ARHGAP32: variants seen among roughly 807,000 people sequenced by gnomAD.
ARHGAP32 encodes Rho GTPase activating protein 32.
A neutral mutation model predicts 186.5 loss-of-function variants in ARHGAP32; 51 were observed. That is an observed-to-expected ratio of 0.27 (90% CI 0.22 to 0.35). The LOEUF (loss-of-function observed/expected upper bound fraction) is 0.35, where lower values mean the gene tolerates loss of function less well. Among genes scored for constraint, ARHGAP32 ranks in the 10% least tolerant of loss-of-function variants. ARHGAP32 has a pLI of 1.00. For missense variants in ARHGAP32, 2,186 were observed against 2,623.5 expected (o/e 0.83, Z 3.64); for synonymous variants, 950 against 964.3 (o/e 0.99, Z 0.27).
intron 11 of ARHGAP32, among the ~76,000 whole-genome samples, chr11:128,999,811 G>A (rs898416916): frequency 2.6e-5 from 4 of 152,174 alleles, no homozygotes; most frequent in Admixed American, 6.5e-5. Flanking sequence ...CATGACGTTT[G>A]AATCAAGCTT....
chr11:129,012,188 T>C (rs936433219), intron 11 of ARHGAP32, among the ~76,000 whole-genome samples: 2 of 152,222 alleles, frequency 1.3e-5, no homozygotes, highest in African/African-American at 4.8e-5. Context: ...AAGTAATATT[T>C]AACTTCATCC....
Position 129,170,899 on chromosome 11 carries a change from T to C in ARHGAP32, c.117-6472A>G, listed in dbSNP as rs1372995117. ...AGATGGTGTCTCACTGTGGTTTTGATTTGCATTTCTCTGATGATCAGTTAT... is the reference window on the plus strand; with the variant it reads ...AGATGGTGTCTCACTGTGGTTTTGACTTGCATTTCTCTGATGATCAGTTAT... On this transcript the variant is annotated intron_variant, in intron 1 of 22. Transcript: ENST00000682385. Among the ~76,000 whole-genome samples the C allele has an allele frequency of 3.3e-5, 5 of 152,242 alleles. 1 individual carries two copies. The highest frequency in any genetic ancestry group is 5.9e-5 in the Non-Finnish European group (4 of 68,030).
chr11:129,262,329 T>C (rs565237105), intron 1 of ARHGAP32, among the ~76,000 whole-genome samples: 1 of 152,250 alleles, frequency 6.6e-6, no homozygotes, highest in South Asian at 2.1e-4. Flanking sequence ...TGAATTAATG[T>C]TGATATATTC....
At position 128,969,143 on chromosome 11, in the gene ARHGAP32, G is replaced by A. The variant is rs745323075; in HGVS notation, c.6070C>T (p.His2024Tyr). Reference protein sequence around the residue: ...DPSVLYQYQPHGKRQSSVTVV... With the variant: ...DPSVLYQYQPYGKRQSSVTVV... ...GTCACACTGCTCTGGCGCTTGCCGT[G>A]TGGTTGGTACTGGTACAGCACACTG... The change falls in exon 23 of 23, where the codon CAC becomes TAC. Residue 2024 changes from histidine to tyrosine, a missense_variant. This residue lies in a region of ARHGAP32 where 1,502 missense variants were observed against 1,570.0 expected (regional missense o/e 0.96). Coordinates refer to ENST00000682385, the MANE Select transcript of ARHGAP32 (RefSeq NM_001378024.1). The surrounding 1 kb of genome is among the most constrained non-coding windows in gnomAD (Gnocchi z 4.8). The A allele has an allele frequency of 6.2e-6, 10 of 1,608,136 alleles. No individual in the cohort carries two copies. The highest frequency in any genetic ancestry group is 8.5e-6 in the Non-Finnish European group (10 of 1,175,756).
intron 1 of ARHGAP32, among the ~76,000 whole-genome samples, chr11:129,251,576 C>T (rs1421991808): frequency 6.6e-6 from 1 of 151,982 alleles, no homozygotes; most frequent in Non-Finnish European, 1.5e-5. Context: ...ATATGAATTA[C>T]ATATATTTAT....
chr11:129,140,038 C>G (rs1362746721), intron 2 of ARHGAP32, among the ~76,000 whole-genome samples: 3 of 152,146 alleles, frequency 2.0e-5, no homozygotes, highest in African/African-American at 7.2e-5. Flanking sequence ...TAAAAATTAT[C>G]TGGATAGGCC....
At chr11:129,156,360 A>C (rs1034983414) in intron 2 of ARHGAP32, among the ~76,000 whole-genome samples, 2 of 152,224 alleles carry the variant, frequency 1.3e-5, no homozygotes, top group African/African-American at 4.8e-5. Context: ...TCTTGCTGCC[A>C]GCACAGCAGT....
intron 21 of ARHGAP32, chr11:128,973,726 A>T: frequency 1.9e-6 from 1 of 537,710 alleles, no homozygotes; most frequent in Non-Finnish European, 3.3e-6. Flanking sequence ...CTTAGAAAAC[A>T]AGCTTCAAGT....
intron 1 of ARHGAP32, among the ~76,000 whole-genome samples, chr11:129,214,309 C>T (rs771863810): frequency 6.6e-6 from 1 of 152,154 alleles, no homozygotes; most frequent in Non-Finnish European, 1.5e-5. Context: ...GAACGTACCA[C>T]ACTAATGTAA....
chr11:129,094,040 C>T (rs955386850), intron 5 of ARHGAP32, among the ~76,000 whole-genome samples: 2 of 152,130 alleles, frequency 1.3e-5, no homozygotes, highest in East Asian at 3.9e-4. Context: ...AAACTGGCTG[C>T]AGATAACAGG....
At chr11:129,101,560 C>CA (rs1192085950) in intron 5 of ARHGAP32, among the ~76,000 whole-genome samples, 3 of 152,124 alleles carry the variant, frequency 2.0e-5, no homozygotes, top group Admixed American at 2.0e-4. Flanking sequence ...ATAATGCAAT[C>CA]ACAAGTATTA....
intron 11 of ARHGAP32, among the ~76,000 whole-genome samples, chr11:129,008,101 G>C (rs1308499802): frequency 1.3e-5 from 2 of 152,290 alleles, no homozygotes; most frequent in African/African-American, 2.4e-5. Context: ...GGGGATGGGG[G>C]AGGGGGTGGC....
At chr11:129,126,209 T>C (rs1465523605) in intron 2 of ARHGAP32, among the ~76,000 whole-genome samples, 1 of 152,182 alleles carries the variant, frequency 6.6e-6, no homozygotes, top group Non-Finnish European at 1.5e-5. Flanking sequence ...GCGGTAAATA[T>C]TTTAGGTTTG....
chr11:129,144,422 C>T (rs1943126536), intron 2 of ARHGAP32, among the ~76,000 whole-genome samples: 2 of 152,066 alleles, frequency 1.3e-5, no homozygotes, highest in African/African-American at 4.8e-5. Context: ...TGATAACAGC[C>T]TAGCAATTTT....
chr11:129,021,746 A>C (rs1938602553), intron 11 of ARHGAP32, among the ~76,000 whole-genome samples: 1 of 152,090 alleles, frequency 6.6e-6, no homozygotes, highest in Admixed American at 6.5e-5. Context: ...TAAAATAATA[A>C]ATACGATTGG....
At chr11:129,102,943 A>T (rs536166196) in intron 5 of ARHGAP32, among the ~76,000 whole-genome samples, 22 of 152,194 alleles carry the variant, frequency 1.4e-4, no homozygotes, top group Non-Finnish European at 2.6e-4. Flanking sequence ...CAGAAGCATT[A>T]TTCATCATAA....
At chr11:129,032,265 G>T (rs1053684177) in intron 11 of ARHGAP32, among the ~76,000 whole-genome samples, 2 of 152,214 alleles carry the variant, frequency 1.3e-5, no homozygotes, top group Non-Finnish European at 2.9e-5. Flanking sequence ...GCTGCCATGG[G>T]CCTGCACAGA....
At chr11:129,160,962 G>A (rs1487999645) in intron 2 of ARHGAP32, among the ~76,000 whole-genome samples, 2 of 152,106 alleles carry the variant, frequency 1.3e-5, no homozygotes, top group African/African-American at 4.8e-5. Context: ...CAGATATATA[G>A]ACCAATGGTA....
At chr11:129,044,955 A>G (rs1264289331) in intron 10 of ARHGAP32, among the ~76,000 whole-genome samples, 1 of 152,104 alleles carries the variant, frequency 6.6e-6, no homozygotes, top group Non-Finnish European at 1.5e-5. Context: ...TGCACTTCTC[A>G]GGGAACTATA....
Sources: allele counts gnomAD v4.1 joint callset (sites outside exome capture counted in the v4.1 genomes callset), GRCh38; gene constraint gnomAD v4.1.1; regional missense constraint gnomAD v4.1.1; non-coding constraint Gnocchi (gnomAD v3.1); transcripts MANE v1.5; gene names NCBI Gene and HGNC (gene_info 2026-07-23, HGNC 2026-07-21).